Variants in TPD52L1 observed in about 807,000 individuals in gnomAD.
The protein encoded by TPD52L1 is tumor protein D53.
TPD52L1 carries 18 observed loss-of-function variants against 28.7 expected under a neutral mutation model. The observed-to-expected ratio is 0.63, with a 90% CI of 0.43 to 0.93. The LOEUF (loss-of-function observed/expected upper bound fraction) is 0.93, where lower values mean the gene tolerates loss of function less well. TPD52L1 is among the 40% of genes least tolerant of loss of function. TPD52L1 has a pLI of 0.00. For synonymous variants in TPD52L1, 75 were observed against 88.8 expected, an observed-to-expected ratio of 0.84 and a Z score of 0.88; for missense variants, 203 against 254.8, an observed-to-expected ratio of 0.80 and a Z score of 1.39.
chr6:125,175,216 G>A (rs1476337285), intron 1 of TPD52L1, among the ~76,000 whole-genome samples: 3 of 152,034 alleles, frequency 2.0e-5, no homozygotes, highest in Non-Finnish European at 4.4e-5. Flanking sequence ...TTCATGGAGA[G>A]CACTCTATAA....
chr6:125,167,692 G>A (rs1197816859), intron 1 of TPD52L1, among the ~76,000 whole-genome samples: 2 of 152,044 alleles, frequency 1.3e-5, no homozygotes, highest in African/African-American at 4.8e-5. Context: ...TGATTACATC[G>A]TGCAGTGCTT....
At chr6:125,232,215 C>A (rs1401027081) in intron 3 of TPD52L1, among the ~76,000 whole-genome samples, 2 of 152,146 alleles carry the variant, frequency 1.3e-5, no homozygotes, top group Non-Finnish European at 2.9e-5. Flanking sequence ...AACTCACTAA[C>A]CTTTAGGAAT....
intron 2 of TPD52L1, among the ~76,000 whole-genome samples, chr6:125,220,447 T>C (rs1290700433): frequency 4.6e-5 from 7 of 152,246 alleles, no homozygotes; most frequent in Admixed American, 3.9e-4. Flanking sequence ...GTTTTAAATA[T>C]ACACTTCTTA....
At chr6:125,184,695 T>A (rs1371917676) in intron 1 of TPD52L1, among the ~76,000 whole-genome samples, 1 of 152,106 alleles carries the variant, frequency 6.6e-6, no homozygotes, top group East Asian at 1.9e-4. Flanking sequence ...GAAGGGAAGG[T>A]AACAACTTAT....
intron 3 of TPD52L1, among the ~76,000 whole-genome samples, chr6:125,243,693 T>C (rs1796754943): frequency 6.6e-6 from 1 of 152,098 alleles, no homozygotes; most frequent in Non-Finnish European, 1.5e-5. Context: ...AATTTTTTAT[T>C]GATGTCCTAT....
At chr6:125,252,460 T>C (rs1797329688) in intron 4 of TPD52L1, 1 of 158,958 alleles carries the variant, frequency 6.3e-6, no homozygotes, top group African/African-American at 2.4e-5. Context: ...GAATTTCTTG[T>C]ACCCATAATT....
At chr6:125,224,840 A>C (rs1795500606) in intron 2 of TPD52L1, among the ~76,000 whole-genome samples, 1 of 152,246 alleles carries the variant, frequency 6.6e-6, no homozygotes, top group African/African-American at 2.4e-5. Context: ...GCTAATTCAG[A>C]CTAGTTAGTT....
intron 1 of TPD52L1, among the ~76,000 whole-genome samples, chr6:125,192,855 T>A (rs952403980): frequency 4.6e-5 from 7 of 152,206 alleles, no homozygotes; most frequent in African/African-American, 1.7e-4. Flanking sequence ...CAGCTGGATC[T>A]ATCACAAATG....
intron 1 of TPD52L1, among the ~76,000 whole-genome samples, chr6:125,189,736 GT>G (rs1262393999): frequency 6.6e-6 from 1 of 152,016 alleles, no homozygotes; most frequent in Non-Finnish European, 1.5e-5. Flanking sequence ...TATTCTCATT[GT>G]TATTTCCTTT....
chr6:125,185,984 C>T lies in TPD52L1; in HGVS notation c.19+32014C>T, dbSNP rs1792592682. On this transcript the variant is annotated intron_variant, in intron 1 of 6. Coordinates refer to ENST00000534000, the MANE Select transcript of TPD52L1 (RefSeq NM_003287.4). ...TCTCGGCTCACTGCAACCTCTGCCTCCCAGGTTCAAGCAATTCTTCTGCCT... is the reference window on the plus strand; with the variant it reads ...TCTCGGCTCACTGCAACCTCTGCCTTCCAGGTTCAAGCAATTCTTCTGCCT... 2.7e-5 allele frequency among the ~76,000 whole-genome samples: 4 copies of T among 149,528 alleles called. No individual in the cohort carries two copies. In the South Asian group the frequency reaches 6.3e-4, roughly 24 times the overall value.
intron 3 of TPD52L1, among the ~76,000 whole-genome samples, chr6:125,240,409 T>A (rs907291034): frequency 6.6e-6 from 1 of 152,206 alleles, no homozygotes. Flanking sequence ...TGTAGATTGC[T>A]ATTGGCAGTA....
intron 1 of TPD52L1, among the ~76,000 whole-genome samples, chr6:125,172,201 CTTT>C (rs1791447013): frequency 3.5e-5 from 4 of 113,068 alleles, no homozygotes; most frequent in South Asian, 5.7e-4. Context: ...TTCTTTCTTT[CTTT>C]CTTCTTTCTT....
chr6:125,223,754 G>A (rs1582962596), intron 2 of TPD52L1, among the ~76,000 whole-genome samples: 1 of 143,700 alleles, frequency 7.0e-6, no homozygotes, highest in South Asian at 2.3e-4. Context: ...AACATAACTT[G>A]ATCTTTAATT....
At chr6:125,157,292 C>T (rs928815665) in intron 1 of TPD52L1, among the ~76,000 whole-genome samples, 3 of 152,158 alleles carry the variant, frequency 2.0e-5, no homozygotes, top group Admixed American at 6.5e-5. Flanking sequence ...GGACATGATT[C>T]GCCCATATAG....
chr6:125,261,611 A>G (rs905038293), intron 6 of TPD52L1: 11 of 151,028 alleles, frequency 7.3e-5, no homozygotes, highest in African/African-American at 2.7e-4. Context: ...AATACATTAC[A>G]TGGCCTGGAC....
At chr6:125,236,902 C>A (rs986508640) in intron 3 of TPD52L1, among the ~76,000 whole-genome samples, 4 of 152,292 alleles carry the variant, frequency 2.6e-5, no homozygotes, top group African/African-American at 9.6e-5. Context: ...AAAGAGGTTG[C>A]TTTTACAGTC....
At chr6:125,232,639 T>C (rs1345203345) in intron 3 of TPD52L1, among the ~76,000 whole-genome samples, 1 of 152,158 alleles carries the variant, frequency 6.6e-6, no homozygotes, top group Non-Finnish European at 1.5e-5. Context: ...TTAGTTTGAT[T>C]TATAATGAAA....
At chr6:125,230,754 C>T (rs1795900051) in intron 3 of TPD52L1, among the ~76,000 whole-genome samples, 1 of 152,108 alleles carries the variant, frequency 6.6e-6, no homozygotes. Context: ...GCCTAGCAGT[C>T]CTATTGGGCT....
At position 125,253,731 on chromosome 6, in the gene TPD52L1, ATTCCATAAG is replaced by A; in HGVS notation, c.403_411del (p.Ser135_Ser137del). The A allele has an allele frequency of 6.2e-7, 1 of 1,613,400 alleles. No homozygotes were observed. The highest frequency in any genetic ancestry group is 1.1e-5 in the South Asian group (1 of 91,020). ...TTGCTCTGAAGTTACTCCATTCGCC[ATTCCATAAG>A]TATGCCTGCTATGAGGTAATGTGTG... On this transcript the variant is annotated inframe_deletion, in exon 5 of 7. Transcript: ENST00000534000.
Sources: allele counts gnomAD v4.1 joint callset (sites outside exome capture counted in the v4.1 genomes callset), GRCh38; gene constraint gnomAD v4.1.1; transcripts MANE v1.5; gene names NCBI Gene and HGNC (gene_info 2026-07-23, HGNC 2026-07-21).